SCAPER: variants seen among roughly 807,000 people sequenced by gnomAD.
SCAPER encodes S phase cyclin A-associated protein in the endoplasmic reticulum.
SCAPER carries 98 observed loss-of-function variants against 182.2 expected under a neutral mutation model. The observed-to-expected ratio is 0.54, with a 90% CI of 0.46 to 0.64. SCAPER has a LOEUF of 0.64. Among genes scored for constraint, SCAPER ranks in the 30% least tolerant of loss-of-function variants. The probability of loss-of-function intolerance (pLI) is 0.00; values close to 1 mark genes in which losing one functional copy is unlikely to be tolerated. For missense variants in SCAPER, 1,432 were observed against 1,690.0 expected (o/e 0.85, Z 2.68); for synonymous variants, 605 against 564.6 (o/e 1.07, Z -1.01).
intron 27 of SCAPER, among the ~76,000 whole-genome samples, chr15:76,384,334 C>T (rs1174976639): frequency 2.0e-5 from 3 of 152,196 alleles, no homozygotes; most frequent in South Asian, 2.1e-4. Flanking sequence ...TATTCTAATA[C>T]AGATATTCAG....
rs186651571 is a variant in SCAPER, at chr15:76,441,156, C to T, written c.3079-6846G>A. ...CAGGATGGTCTCGATCTCCTGACCT[C>T]GTGATCCACCCGCCTTGGCCTCCCA... On this transcript the variant is annotated intron_variant, in intron 25 of 31. Transcript: ENST00000563290. Among the ~76,000 whole-genome samples the T allele has an allele frequency of 1.5e-3, 234 of 151,900 alleles. 2 individuals carry two copies. The highest frequency in any genetic ancestry group is 5.1e-3 in the African/African-American group (210 of 41,416).
intron 20 of SCAPER, among the ~76,000 whole-genome samples, chr15:76,698,224 C>T (rs1283047311): frequency 2.0e-5 from 3 of 151,820 alleles, no homozygotes; most frequent in African/African-American, 7.3e-5. Flanking sequence ...ATTAAAAGCA[C>T]TTAGAATTTA....
chr15:76,512,281 C>G (rs889370214), intron 23 of SCAPER, among the ~76,000 whole-genome samples: 1 of 151,932 alleles, frequency 6.6e-6, no homozygotes, highest in African/African-American at 2.4e-5. Context: ...CTATGTTTGC[C>G]TCACAGAATA....
chr15:76,387,554 T>A (rs2043368809), intron 27 of SCAPER, among the ~76,000 whole-genome samples: 1 of 152,168 alleles, frequency 6.6e-6, no homozygotes, highest in South Asian at 2.1e-4. Flanking sequence ...CTTATTCTAG[T>A]GAGTCTAGAG....
At chr15:76,391,572 C>T (rs2043700321) in intron 27 of SCAPER, among the ~76,000 whole-genome samples, 2 of 152,184 alleles carry the variant, frequency 1.3e-5, no homozygotes, top group Admixed American at 6.5e-5. Context: ...TATTTCCTAA[C>T]TCAGAGAAAG....
At chr15:76,846,068 CA>C (rs2151801705) in intron 4 of SCAPER, among the ~76,000 whole-genome samples, 1 of 152,132 alleles carries the variant, frequency 6.6e-6, no homozygotes, top group Admixed American at 6.6e-5. Context: ...TTATTTTCAG[CA>C]AAGGTGCCAG....
At chr15:76,473,472 T>C (rs1216239577) in intron 24 of SCAPER, among the ~76,000 whole-genome samples, 1 of 152,234 alleles carries the variant, frequency 6.6e-6, no homozygotes, top group Admixed American at 6.5e-5. Context: ...GACTAAAACC[T>C]GCATTGCCTG....
At chr15:76,892,470 T>C (rs1421186969) in intron 1 of SCAPER, among the ~76,000 whole-genome samples, 2 of 152,010 alleles carry the variant, frequency 1.3e-5, no homozygotes, top group Non-Finnish European at 2.9e-5. Context: ...CTTAAACAAA[T>C]TTACAAGAAA....
At chr15:76,472,118 AG>A (rs1382910918) in intron 24 of SCAPER, 3 of 367,472 alleles carry the variant, frequency 8.2e-6, no homozygotes, top group Non-Finnish European at 1.0e-5. Context: ...AAAAAGCTGA[AG>A]GGGATGCTAC....
chr15:76,381,724 A>T (rs2141942865), intron 27 of SCAPER, 109 bp from the exon 28 acceptor site: 1 of 849,130 alleles, frequency 1.2e-6, no homozygotes, highest in East Asian at 2.7e-5. Flanking sequence ...AAACCATCTG[A>T]GTTGTATAGT....
chr15:76,351,121 T>C, intron 31 of SCAPER, 116 bp downstream of exon 31: 1 of 820,048 alleles, frequency 1.2e-6, no homozygotes, highest in East Asian at 3.0e-5. Context: ...GAATCTCAAA[T>C]ATTTTTAGGT....
intron 5 of SCAPER, among the ~76,000 whole-genome samples, chr15:76,816,424 C>T (rs2067086352): frequency 6.6e-6 from 1 of 151,986 alleles, no homozygotes; most frequent in South Asian, 2.1e-4. Context: ...CCTAGGCCTA[C>T]CCAGGATCAG....
chr15:76,570,630 A>C (rs978139255), intron 23 of SCAPER, among the ~76,000 whole-genome samples: 1 of 152,150 alleles, frequency 6.6e-6, no homozygotes, highest in Non-Finnish European at 1.5e-5. Context: ...ATAATCTGTG[A>C]CTAGTAATAA....
At chr15:76,786,798 A>T (rs1014802067) in intron 8 of SCAPER, among the ~76,000 whole-genome samples, 1 of 152,218 alleles carries the variant, frequency 6.6e-6, no homozygotes, top group Admixed American at 6.5e-5. Flanking sequence ...TGGGTTCAGT[A>T]AAGTTGCAGG....
chr15:76,888,462 A>G (rs763745954), intron 1 of SCAPER, among the ~76,000 whole-genome samples: 4 of 152,226 alleles, frequency 2.6e-5, no homozygotes, highest in Non-Finnish European at 4.4e-5. Flanking sequence ...TAGAATGAAC[A>G]GTGGAGAGAA....
At chr15:76,846,235 A>C (rs1384260710) in intron 4 of SCAPER, among the ~76,000 whole-genome samples, 2 of 152,190 alleles carry the variant, frequency 1.3e-5, no homozygotes, top group Non-Finnish European at 2.9e-5. Context: ...CAAACTATGA[A>C]ATTGCTACAA....
intron 15 of SCAPER, among the ~76,000 whole-genome samples, chr15:76,752,304 A>G (rs2062138109): frequency 6.6e-6 from 1 of 151,822 alleles, no homozygotes; most frequent in African/African-American, 2.4e-5. Context: ...GGTGAACTAC[A>G]TGTAGAAAAC....
intron 23 of SCAPER, among the ~76,000 whole-genome samples, chr15:76,541,542 A>G (rs187706812): frequency 6.6e-6 from 1 of 152,362 alleles, no homozygotes; most frequent in East Asian, 1.9e-4. Context: ...ACCCAAAGAC[A>G]TGTAAGATGG....
At chr15:76,624,205 T>C (rs1197469799) in intron 21 of SCAPER, among the ~76,000 whole-genome samples, 2 of 152,312 alleles carry the variant, frequency 1.3e-5, no homozygotes, top group East Asian at 1.9e-4. Context: ...AGTTTCAGGA[T>C]ACAAAATCAA....
Sources: gnomAD v4.1 joint callset for allele counts (sites outside exome capture counted in the v4.1 genomes callset) on GRCh38, gnomAD v4.1.1 for gene constraint, MANE v1.5 for transcripts, NCBI Gene and HGNC (gene_info 2026-07-23, HGNC 2026-07-21) for gene names.